Variants in SLC6A7 observed in about 807,000 individuals in gnomAD.
SLC6A7 encodes the protein solute carrier family 6 member 7.
In SLC6A7, 58 loss-of-function variants were observed where a neutral mutation model predicts 73.1. That is an observed-to-expected ratio of 0.79 (90% confidence interval 0.64 to 0.99). The LOEUF (loss-of-function observed/expected upper bound fraction) is 0.99. SLC6A7 is among the 50% of genes least tolerant of loss of function. The pLI is 0.00. For missense variants in SLC6A7, 783 were observed against 831.4 expected (o/e 0.94, Z 0.72); for synonymous variants, 338 against 338.7 (o/e 1.00, Z 0.02).
intron 13 of SLC6A7, 64 bp from the exon 14 acceptor site, chr5:150,209,342 A>T: frequency 7.3e-7 from 1 of 1,368,692 alleles, no homozygotes; most frequent in Non-Finnish European, 1.0e-6. Flanking sequence ...GTGTCTGGCC[A>T]CAGTGAACCC....
At chr5:150,208,844 G>C (rs1348148661) in intron 13 of SLC6A7, among the ~76,000 whole-genome samples, 2 of 152,220 alleles carry the variant, frequency 1.3e-5, no homozygotes, top group African/African-American at 4.8e-5. Context: ...GGCTCTACAA[G>C]GGAAAGGTCA....
intron 13 of SLC6A7, among the ~76,000 whole-genome samples, chr5:150,208,366 C>T (rs1461332091): frequency 6.6e-6 from 1 of 152,072 alleles, no homozygotes. Context: ...GGCCCTGAGG[C>T]TGGGGGCTGG....
chr5:150,191,920 C>A (rs1341982609), intron 1 of SLC6A7, among the ~76,000 whole-genome samples: 1 of 151,926 alleles, frequency 6.6e-6, no homozygotes, highest in East Asian at 2.0e-4. Flanking sequence ...AATCCTTTAA[C>A]ACTTCCAGGG....
chr5:150,205,284 A>G (rs2342282), intron 12 of SLC6A7, among the ~76,000 whole-genome samples, 172 bp from the exon 13 acceptor site: 152,282 of 152,284 alleles, frequency 1, 76,140 homozygotes, highest in Non-Finnish European at 1. Flanking sequence ...GGCTGGCTAA[A>G]CCCTCAAAGG....
intron 2 of SLC6A7, 125 bp downstream of exon 2, chr5:150,195,036 T>C (rs1476530261): frequency 2.6e-6 from 2 of 759,584 alleles, no homozygotes; most frequent in Non-Finnish European, 4.4e-6. Context: ...TCATTGAAAG[T>C]GGTTTATAGT....
chr5:150,194,298 G>A (rs1269077386), intron 1 of SLC6A7, among the ~76,000 whole-genome samples: 1 of 151,992 alleles, frequency 6.6e-6, no homozygotes, highest in African/African-American at 2.4e-5. Flanking sequence ...GCGTGGTGGT[G>A]GGCGCCTGTA....
chr5:150,194,259 C>A (rs1228498097), intron 1 of SLC6A7, among the ~76,000 whole-genome samples: 1 of 151,958 alleles, frequency 6.6e-6, no homozygotes, highest in Non-Finnish European at 1.5e-5. Flanking sequence ...GAAACCCTGT[C>A]TCTACTAAAA....
intron 5 of SLC6A7, 80 bp from the exon 6 acceptor site, chr5:150,201,009 A>G: frequency 1.3e-6 from 2 of 1,500,514 alleles, no homozygotes; most frequent in Non-Finnish European, 1.8e-6. Context: ...TGGGGAGGCA[A>G]GTGACACAGA....
chr5:150,195,685 C>T (rs1580854265), intron 2 of SLC6A7, among the ~76,000 whole-genome samples: 2 of 152,326 alleles, frequency 1.3e-5, no homozygotes, highest in Admixed American at 1.3e-4. Flanking sequence ...ACTCGTATCT[C>T]CTTCTGTCTC....
intron 4 of SLC6A7, 39 bp downstream of exon 4, chr5:150,197,315 CTGCACTGCTGAGGGTGG>C (rs757193250): frequency 7.2e-7 from 1 of 1,391,348 alleles, no homozygotes; most frequent in East Asian, 2.3e-5. Context: ...TGAGGGGACC[CTGCACTGCTGAGGGTGG>C]CCAGAGGGCA....
intron 4 of SLC6A7, among the ~76,000 whole-genome samples, chr5:150,197,839 T>C (rs1753114824): frequency 6.6e-6 from 1 of 152,092 alleles, no homozygotes; most frequent in Admixed American, 6.6e-5. Context: ...ACTCCTCTAA[T>C]AGAGATAGGA....
Position 150,196,609 on chromosome 5 carries a change from C to T in SLC6A7, c.218-107C>T, listed in dbSNP as rs182924400. On this transcript the variant is annotated intron_variant, in intron 2 of 13. Coordinates refer to ENST00000230671, the MANE Select transcript of SLC6A7 (RefSeq NM_014228.5). Reference sequence around the variant, plus strand: ...AGAAGAAAAGAAACCTACAGTGTTCCATCAGGTCTGAGGGGGCATCTGCAG... The same window carrying T: ...AGAAGAAAAGAAACCTACAGTGTTCTATCAGGTCTGAGGGGGCATCTGCAG... The T allele has an allele frequency of 5.7e-4, 614 of 1,079,076 alleles. 2 individuals are homozygous for T. The East Asian group carries it at 8.4e-3, about 15-fold the overall frequency. The allele number at this position is 1,079,076 out of a possible 1,614,324, so 66.8% of individuals were successfully genotyped here.
chr5:150,199,628 G>A (rs1375223203), intron 5 of SLC6A7, among the ~76,000 whole-genome samples: 1 of 152,214 alleles, frequency 6.6e-6, no homozygotes, highest in Non-Finnish European at 1.5e-5. Context: ...CCAGTGCTTG[G>A]CACTTTGAAT....
chr5:150,206,226 GC>G (rs1359095539), intron 13 of SLC6A7, among the ~76,000 whole-genome samples: 8 of 152,244 alleles, frequency 5.3e-5, no homozygotes, highest in Admixed American at 3.3e-4. Flanking sequence ...CACTTCTGCC[GC>G]CGCTGGTGTG....
chr5:150,198,426 A>G (rs1562086371), intron 4 of SLC6A7, among the ~76,000 whole-genome samples: 1 of 152,250 alleles, frequency 6.6e-6, no homozygotes, highest in Admixed American at 6.5e-5. Flanking sequence ...CTTCAAGTCC[A>G]TCTGAAGTGT....
In SLC6A7 at chr5:150,209,538, G is replaced by A. The variant is rs762494163; in HGVS notation, c.1834G>A (p.Gly612Arg). 1.9e-5 allele frequency: 31 copies of A among 1,614,026 alleles called. No individual in the cohort carries two copies. The highest frequency in any genetic ancestry group is 2.1e-5 in the Non-Finnish European group (25 of 1,180,006). ...KPLMVHMRKY[G>R]GITSFENTAI... is the part of the protein sequence containing the mutation. ...ACTGATGGTGCACATGCGCAAGTAC[G>A]GGGGCATCACCAGCTTCGAGAACAC... Residue 612 changes from glycine to arginine, a missense_variant, in exon 14 of 14, where the codon GGG (glycine) becomes AGG (arginine). Physicochemically the swap from Gly to Arg is moderately radical, Grantham distance 125. Transcript: ENST00000230671.
In SLC6A7 at chr5:150,196,894, G is replaced by A. The variant is rs1240359694; in HGVS notation, c.349+47G>A. On this transcript the variant is annotated intron_variant, in intron 3 of 13. Transcript: ENST00000230671. ...GGGAGGGAAGGGCTCAGGGTCTGGG[G>A]GAGGCAGGGAGGTTGCCCCCAGAAC... The A allele has an allele frequency of 3.1e-6, 5 of 1,588,416 alleles. 1 individual carries two copies. Among genetic ancestry groups the A allele is most frequent in the Admixed American group, 1.7e-5 (1 of 57,524 alleles).
At chr5:150,191,369 A>G (rs1175958912) in intron 1 of SLC6A7, among the ~76,000 whole-genome samples, 1 of 151,838 alleles carries the variant, frequency 6.6e-6, no homozygotes, top group South Asian at 2.1e-4. Flanking sequence ...ACACTCATTC[A>G]TTCAAGTTCT....
At chr5:150,208,816 T>C (rs1753820715) in intron 13 of SLC6A7, among the ~76,000 whole-genome samples, 1 of 152,134 alleles carries the variant, frequency 6.6e-6, no homozygotes, top group South Asian at 2.1e-4. Flanking sequence ...TCACCCCGAC[T>C]CCGTCCATGG....
Sources: gnomAD v4.1 joint callset for allele counts (sites outside exome capture counted in the v4.1 genomes callset) on GRCh38, gnomAD v4.1.1 for gene constraint, MANE v1.5 for transcripts, NCBI Gene and HGNC (gene_info 2026-07-23, HGNC 2026-07-21) for gene names.